Variants in ARHGEF7 observed in about 807,000 individuals in gnomAD.
ARHGEF7 encodes Rho guanine nucleotide exchange factor 7, also known as PAK-interacting exchange factor beta.
A neutral mutation model predicts 109.8 loss-of-function variants in ARHGEF7; 33 were observed. The observed-to-expected ratio is 0.30, with a 90% CI of 0.23 to 0.40. ARHGEF7 has a LOEUF of 0.40. ARHGEF7 is among the 10% of genes least tolerant of loss of function. ARHGEF7 has a pLI of 1.00. For missense variants in ARHGEF7, 938 were observed against 1,098.5 expected (o/e 0.85, Z 2.07); for synonymous variants, 458 against 424.6 (o/e 1.08, Z -0.97).
At chr13:111,233,088 A>G (rs1207783229) in intron 5 of ARHGEF7, 117 bp from the exon 6 acceptor site, 10 of 872,400 alleles carry the variant, frequency 1.1e-5, no homozygotes, top group Admixed American at 1.8e-5. Flanking sequence ...TTGGCTTGCC[A>G]TTTGGCTTGT....
chr13:111,139,680 G>A (rs1319795770), intron 1 of ARHGEF7, among the ~76,000 whole-genome samples: 1 of 152,228 alleles, frequency 6.6e-6, no homozygotes, highest in South Asian at 2.1e-4. Flanking sequence ...AGCTGCTTAG[G>A]GGCAAACCCA....
chr13:111,184,438 C>G (rs1204685262), intron 2 of ARHGEF7, among the ~76,000 whole-genome samples: 3 of 152,148 alleles, frequency 2.0e-5, no homozygotes, highest in Non-Finnish European at 4.4e-5. Flanking sequence ...TTCTTCTGTA[C>G]CTGTTGGTGT....
chr13:111,245,442 G>T (rs192619590), intron 8 of ARHGEF7, among the ~76,000 whole-genome samples: 151 of 152,070 alleles, frequency 9.9e-4, no homozygotes, highest in Non-Finnish European at 1.5e-3. Context: ...TTTGATTCTC[G>T]CTCAGCTCAT....
intron 8 of ARHGEF7, among the ~76,000 whole-genome samples, chr13:111,263,497 T>C (rs1180014685): frequency 1.3e-5 from 2 of 152,238 alleles, no homozygotes; most frequent in African/African-American, 4.8e-5. Flanking sequence ...CTGGACCAGG[T>C]AGGAGATGAA....
chr13:111,261,727 A>T (rs1001012394), intron 8 of ARHGEF7, among the ~76,000 whole-genome samples: 1 of 152,230 alleles, frequency 6.6e-6, no homozygotes, highest in Non-Finnish European at 1.5e-5. Context: ...AAATTTTTTT[A>T]AAAATGAGAT....
intron 1 of ARHGEF7, among the ~76,000 whole-genome samples, chr13:111,127,638 C>T (rs1457475388): frequency 1.8e-5 from 2 of 112,884 alleles, no homozygotes; most frequent in Admixed American, 2.4e-4. Context: ...CAGAGTGAGA[C>T]TCTGTTTCAG....
chr13:111,191,886 T>A (rs2079930437), intron 2 of ARHGEF7, among the ~76,000 whole-genome samples: 1 of 152,168 alleles, frequency 6.6e-6, no homozygotes, highest in South Asian at 2.1e-4. Flanking sequence ...AGGATTTTCG[T>A]CCTAGCAGGA....
chr13:111,123,397 A>G (rs116675325), intron 1 of ARHGEF7, among the ~76,000 whole-genome samples: 2,511 of 152,258 alleles, frequency 0.016, 72 homozygotes, highest in African/African-American at 0.057. Context: ...TGCCCTGCCC[A>G]GAGCAGGCAC....
At chr13:111,179,245 C>CT (rs906432130) in intron 2 of ARHGEF7, among the ~76,000 whole-genome samples, 2 of 151,954 alleles carry the variant, frequency 1.3e-5, no homozygotes, top group Admixed American at 6.6e-5. Context: ...CTCCCAGCTA[C>CT]TTTTTTTTGT....
intron 17 of ARHGEF7, among the ~76,000 whole-genome samples, chr13:111,286,933 T>TCCTACAGGGCTCTGC: frequency 6.6e-6 from 1 of 152,224 alleles, no homozygotes; most frequent in Non-Finnish European, 1.5e-5. Context: ...GCAGGATCTG[T>TCCTACAGGGCTCTGC]CCTACAGGGC....
intron 18 of ARHGEF7, among the ~76,000 whole-genome samples, chr13:111,290,704 C>A (rs2093244093): frequency 6.6e-6 from 1 of 152,242 alleles, no homozygotes. Context: ...TCCATTTCTC[C>A]TGTGCAAGAA....
At chr13:111,263,268 A>G (rs2091292510) in intron 8 of ARHGEF7, among the ~76,000 whole-genome samples, 1 of 152,248 alleles carries the variant, frequency 6.6e-6, no homozygotes, top group African/African-American at 2.4e-5. Context: ...GCAGTGACAG[A>G]AAATTCTTGG....
chr13:111,245,361 C>T (rs377518399), intron 8 of ARHGEF7, among the ~76,000 whole-genome samples: 35 of 152,208 alleles, frequency 2.3e-4, no homozygotes, highest in African/African-American at 8.4e-4. Context: ...CGGCGTATGT[C>T]ACAATCTGAT....
intron 2 of ARHGEF7, chr13:111,184,823 C>T (rs2079087725): frequency 6.6e-6 from 1 of 152,658 alleles, no homozygotes; most frequent in Admixed American, 6.5e-5. Context: ...CCGTGGGCTT[C>T]ACTGTGCGGG....
chr13:111,179,636 C>A (rs2078545725), intron 2 of ARHGEF7, among the ~76,000 whole-genome samples: 1 of 152,106 alleles, frequency 6.6e-6, no homozygotes, highest in Non-Finnish European at 1.5e-5. Context: ...GCTTTTCTTT[C>A]TGTTAAATGT....
intron 2 of ARHGEF7, among the ~76,000 whole-genome samples, chr13:111,204,999 C>G (rs1297222270): frequency 6.7e-6 from 1 of 149,282 alleles, no homozygotes. Context: ...AGCCCACCCC[C>G]CCACCCCGCC....
At chr13:111,233,328 T>G in intron 6 of ARHGEF7, 35 bp downstream of exon 6, 1 of 1,527,266 alleles carries the variant, frequency 6.5e-7, no homozygotes, top group Non-Finnish European at 9.1e-7. Context: ...AACTAACTGG[T>G]TTTTGACTGC....
intron 2 of ARHGEF7, among the ~76,000 whole-genome samples, chr13:111,172,803 T>G (rs1414937109): frequency 6.6e-6 from 1 of 152,222 alleles, no homozygotes; most frequent in Non-Finnish European, 1.5e-5. Context: ...TCTGCCGTTG[T>G]TGTGCGACAG....
chr13:111,144,626 G>A (rs831168), intron 1 of ARHGEF7: 93,279 of 152,154 alleles, frequency 0.61, 29,227 homozygotes, highest in African/African-American at 0.71. Flanking sequence ...TTAAAAATTA[G>A]ATGAACCATT....
Sources: gnomAD v4.1 joint callset for allele counts (sites outside exome capture counted in the v4.1 genomes callset) on GRCh38, gnomAD v4.1.1 for gene constraint, MANE v1.5 for transcripts, NCBI Gene and HGNC (gene_info 2026-07-23, HGNC 2026-07-21) for gene names.